CFAP99: variants seen among roughly 807,000 people sequenced by gnomAD.
CFAP99 encodes cilia and flagella associated protein 99, also known as cilia- and flagella-associated protein 99.
CFAP99 carries 84 observed loss-of-function variants against 82.7 expected under a neutral mutation model. That is an observed-to-expected ratio of 1.02 (90% confidence interval 0.85 to 1.22). CFAP99 has a LOEUF of 1.22. Among genes scored for constraint, CFAP99 ranks in the 50% most tolerant of loss-of-function variants. CFAP99 has a pLI of 0.00. For synonymous variants in CFAP99, 456 were observed against 429.5 expected (o/e 1.06, Z -0.76); for missense variants, 1,059 against 983.5 (o/e 1.08, Z -1.03).
At chr4:2,443,082 G>A in intron 4 of CFAP99, 48 bp from the exon 5 acceptor site, 2 of 1,087,422 alleles carry the variant, frequency 1.8e-6, no homozygotes, top group Non-Finnish European at 2.7e-6. Context: ...GCCCGGTGAG[G>A]GGTTGGGCCC....
chr4:2,450,425 C>G (rs1002708778), intron 8 of CFAP99: 22 of 292,926 alleles, frequency 7.5e-5, no homozygotes, highest in African/African-American at 3.4e-4. Flanking sequence ...GGCAAGGGTC[C>G]CACCATGAGG....
At chr4:2,437,538 C>T (rs900679709) in intron 3 of CFAP99, among the ~76,000 whole-genome samples, 8 of 152,150 alleles carry the variant, frequency 5.3e-5, no homozygotes, top group Non-Finnish European at 1.0e-4. Context: ...TTGCTGCCCC[C>T]GTCCAGGAAG....
chr4:2,427,452 G>A (rs1221371107), intron 2 of CFAP99: 3 of 152,628 alleles, frequency 2.0e-5, no homozygotes, highest in African/African-American at 7.2e-5. Context: ...ATCCTGGGGG[G>A]CTGTCACATG....
chr4:2,434,498 G>A (rs969237101), intron 2 of CFAP99, among the ~76,000 whole-genome samples: 9 of 152,198 alleles, frequency 5.9e-5, no homozygotes, highest in Admixed American at 1.3e-4. Context: ...CAGTCCTGGC[G>A]CTCCCAAGAG....
rs940551176 is a variant in CFAP99 at position 2,462,870 on chromosome 4, G to A, written c.2089G>A (p.Ala697Thr). Residue 697 changes from alanine to threonine, a missense_variant, in exon 15 of 15, where the codon GCG (alanine) becomes ACG (threonine). Physicochemically the swap from Ala to Thr is moderately conservative, Grantham distance 58. Transcript: ENST00000635017. This position sits in a 1 kb window ranked among gnomAD's most constrained non-coding sequence, Gnocchi z 4.1. The stretch of plus-strand genomic sequence containing the variant: ...GCGGAGCCGCGAGCGCAGGCTGCAG[G>A]CGCTGCAGCAGGGAGGCTCAGGACC... 83 of 1,390,346 alleles carry A rather than the reference G, an allele frequency of 6.0e-5. No individual in the cohort carries two copies. The African/African-American group carries it at 6.6e-4, about 11-fold the overall frequency. 86.1% of individuals were successfully genotyped at this position (1,390,346 alleles called of 1,614,324 possible).
Position 2,436,881 on chromosome 4 carries a change from GC to G in CFAP99, c.124del (p.Gln42ArgfsTer20), listed in dbSNP as rs1431229282. 6.5e-7 allele frequency: 1 copy of G among 1,535,900 alleles called. No individual in the cohort carries two copies. The highest frequency in any genetic ancestry group is 2.4e-5 in the East Asian group (1 of 40,906). On this transcript the variant is annotated frameshift_variant, in exon 3 of 15. Transcript: ENST00000635017. LOFTEE classifies it high-confidence loss of function. ...CGGCTGTCTCTCTTCCAGGCTCTGA[GC>G]CCCCAGAAGCAGAGCTTTGTTTTGG...
chr4:2,453,448 G>A (rs1273363572), intron 11 of CFAP99, among the ~76,000 whole-genome samples: 1 of 152,146 alleles, frequency 6.6e-6, no homozygotes, highest in Non-Finnish European at 1.5e-5. Flanking sequence ...TACTAAATAT[G>A]GCCAATCGTC....
chr4:2,424,626 G>A (rs1270962224), intron 1 of CFAP99, among the ~76,000 whole-genome samples: 1 of 152,116 alleles, frequency 6.6e-6, no homozygotes, highest in Non-Finnish European at 1.5e-5. Context: ...TGCTCCTCCT[G>A]GAGACACCCC....
At chr4:2,426,429 G>C in intron 1 of CFAP99, 30 bp from the exon 2 acceptor site, 1 of 1,389,202 alleles carries the variant, frequency 7.2e-7, no homozygotes, top group African/African-American at 1.4e-5. Context: ...CCCAGGTGTG[G>C]AGGGCGTGAC....
Position 2,432,616 on chromosome 4 carries a change from A to G in CFAP99, c.112-4258A>G, listed in dbSNP as rs922022166. Among the ~76,000 whole-genome samples the G allele has an allele frequency of 9.3e-4, 142 of 151,928 alleles. 2 individuals carry two copies. The highest frequency in any genetic ancestry group is 1.9e-4 in the Non-Finnish European group (13 of 67,972). On this transcript the variant is annotated intron_variant, in intron 2 of 14. Transcript: ENST00000635017. ...CTGGACCTGGTCTAGCTCTTCCCCA[A>G]CCCTGTGAGTCCAGCAGACAAGTGC...
intron 6 of CFAP99, 76 bp downstream of exon 6, chr4:2,445,384 G>A: frequency 8.2e-7 from 1 of 1,218,678 alleles, no homozygotes; most frequent in Non-Finnish European, 1.0e-6. Flanking sequence ...GACTGTGTGG[G>A]CCTGTGGGGG....
chr4:2,452,050 G>A (rs1008505093), intron 10 of CFAP99, 92 bp from the exon 11 acceptor site: 47 of 1,343,564 alleles, frequency 3.5e-5, no homozygotes, highest in Non-Finnish European at 4.3e-5. Context: ...CCACGCCTGC[G>A]CAGCCACTGT....
intron 8 of CFAP99, chr4:2,450,447 C>T: frequency 3.6e-6 from 1 of 280,114 alleles, no homozygotes; most frequent in South Asian, 4.1e-5. Context: ...CAGGCCCGGG[C>T]TGGGCAGCCC....
At position 2,450,443 on chromosome 4, in the gene CFAP99, C is replaced by G. The variant is rs540409728; in HGVS notation, c.795+438C>G. On this transcript the variant is annotated intron_variant, in intron 8 of 14. Coordinates refer to ENST00000635017, the Ensembl canonical transcript of CFAP99. ...AAGGGTCCCACCATGAGGGCAGGCC[C>G]GGGCTGGGCAGCCCATATGGTGCAT... 224 of 279,070 alleles carry G rather than the reference C, an allele frequency of 8.0e-4. 4 individuals carry two copies. The South Asian group carries it at 8.5e-3, about 11-fold the overall frequency. The allele number at this position is 279,070 out of a possible 1,614,324, so 17.3% of individuals were successfully genotyped here.
chr4:2,447,935 GGATGGATGGA>G (rs1734208741), intron 6 of CFAP99, among the ~76,000 whole-genome samples: 1 of 77,574 alleles, frequency 1.3e-5, no homozygotes, highest in Non-Finnish European at 2.7e-5. Context: ...ATGGGTGGAT[GGATGGATGGA>G]TGGATGGATG....
exon 11 of CFAP99, chr4:2,452,148 T>G: frequency 6.5e-7 from 1 of 1,535,972 alleles, no homozygotes; most frequent in Non-Finnish European, 8.7e-7. Context: ...CCAGGGTTGA[T>G]AAGCTCGTGG....
chr4:2,462,257 T>A lies in CFAP99; in HGVS notation c.1662-186T>A. ...AGACTCCCCCAACCCCTCCAGCCCC[T>A]GAGCGGTGGTACTGTCTAGGAGCGC... On this transcript the variant is annotated intron_variant, in intron 14 of 14. Transcript: ENST00000635017. The surrounding 1 kb of genome is among the most constrained non-coding windows in gnomAD (Gnocchi z 4.1). The A allele has an allele frequency of 6.3e-6, 3 of 472,688 alleles. No individual in the cohort carries two copies. In the East Asian group the frequency reaches 1.1e-4, roughly 17 times the overall value. 29.3% of individuals were successfully genotyped at this position (472,688 alleles called of 1,614,324 possible). A position where few individuals can be genotyped will look rare whatever the true frequency, so the allele number is the denominator to read the frequency against.
chr4:2,444,619 C>T (rs1045338974), intron 5 of CFAP99, among the ~76,000 whole-genome samples: 3 of 152,278 alleles, frequency 2.0e-5, no homozygotes, highest in South Asian at 2.1e-4. Context: ...AACCCCTGCT[C>T]GACAGCACCC....
At chr4:2,450,324 G>C (rs1472111809) in intron 8 of CFAP99, 3 of 402,142 alleles carry the variant, frequency 7.5e-6, no homozygotes, top group Admixed American at 7.4e-5. Flanking sequence ...AACAAACCCA[G>C]GTATGTTTGC....
Sources: allele counts gnomAD v4.1 joint callset (sites outside exome capture counted in the v4.1 genomes callset), GRCh38; gene constraint gnomAD v4.1.1; non-coding constraint Gnocchi (gnomAD v3.1); transcripts MANE v1.5; gene names NCBI Gene and HGNC (gene_info 2026-07-23, HGNC 2026-07-21).